ERAP1: variants seen among roughly 807,000 people sequenced by gnomAD.
ERAP1 encodes adipocyte-derived leucine aminopeptidase.
In ERAP1, 86 loss-of-function variants were observed where a neutral mutation model predicts 103.7. The ratio of observed to expected loss-of-function variants is 0.83; its 90% confidence interval spans 0.70 to 0.99. The LOEUF is 0.99. Ranked by LOEUF, ERAP1 falls within the 50% of genes least tolerant of loss-of-function variation. ERAP1 has a pLI of 0.00. For missense variants in ERAP1, 1,009 were observed against 1,128.4 expected (o/e 0.89, Z 1.52); for synonymous variants, 398 against 402.4 (o/e 0.99, Z 0.13).
the ERAP1 span, among the ~76,000 whole-genome samples, chr5:96,860,643 G>A: frequency 6.6e-6 from 1 of 152,248 alleles, no homozygotes; most frequent in South Asian, 2.1e-4. Flanking sequence ...GTGTAAGGGG[G>A]TCTAGGAAGG....
At chr5:96,891,533 TATACACAC>T in the ERAP1 span, among the ~76,000 whole-genome samples, 3 of 85,904 alleles carry the variant, frequency 3.5e-5, no homozygotes, top group South Asian at 4.1e-4. Flanking sequence ...ATACGGTATA[TATACACAC>T]ACACACACAC....
intron 19 of ERAP1, among the ~76,000 whole-genome samples, chr5:96,766,725 CCT>C (rs1248236128): frequency 6.6e-6 from 1 of 152,208 alleles, no homozygotes; most frequent in Non-Finnish European, 1.5e-5. Context: ...CTGTCCCCCA[CCT>C]CTTTCCTATT....
chr5:96,900,365 A>C, the ERAP1 span: 1 of 954,594 alleles, frequency 1.0e-6, no homozygotes, highest in Non-Finnish European at 1.4e-6. Flanking sequence ...TTAGGGGGAC[A>C]ATGCTGTTGC....
At chr5:96,841,885 G>A in the ERAP1 span, among the ~76,000 whole-genome samples, 1,204 of 151,306 alleles carry the variant, frequency 8.0e-3, 18 homozygotes, top group African/African-American at 0.027. Flanking sequence ...TGGTGCACCC[G>A]TCACCGAGCA....
intron 8 of ERAP1, among the ~76,000 whole-genome samples, chr5:96,791,659 G>A (rs1776744585): frequency 6.6e-6 from 1 of 152,150 alleles, no homozygotes; most frequent in Non-Finnish European, 1.5e-5. Context: ...TCCCAACTCT[G>A]TTACTAAGCA....
At chr5:96,823,834 C>T in the ERAP1 span, among the ~76,000 whole-genome samples, 3 of 152,216 alleles carry the variant, frequency 2.0e-5, no homozygotes, top group African/African-American at 4.8e-5. Flanking sequence ...AAAAGAAGTA[C>T]TTTACTGCTT....
chr5:96,837,591 G>T, the ERAP1 span, among the ~76,000 whole-genome samples: 1 of 152,178 alleles, frequency 6.6e-6, no homozygotes, highest in African/African-American at 2.4e-5. Context: ...CTCTGTAGGT[G>T]CCATGGCAGC....
At chr5:96,849,558 G>A in the ERAP1 span, among the ~76,000 whole-genome samples, 1 of 152,186 alleles carries the variant, frequency 6.6e-6, no homozygotes, top group Non-Finnish European at 1.5e-5. Context: ...CCAAGGAAGT[G>A]AAAGATCTGC....
the ERAP1 span, among the ~76,000 whole-genome samples, chr5:96,867,132 G>A: frequency 2.0e-5 from 3 of 151,310 alleles, no homozygotes; most frequent in Non-Finnish European, 2.9e-5. Flanking sequence ...TCAGCCTCCC[G>A]AGTAGCTGAG....
intron 18 of ERAP1, chr5:96,779,203 A>G (rs1774803750): frequency 6.6e-6 from 1 of 152,216 alleles, no homozygotes; most frequent in East Asian, 1.9e-4. Context: ...CGTGACAGCA[A>G]AGGTTTTGTC....
chr5:96,868,259 T>TA, the ERAP1 span, among the ~76,000 whole-genome samples: 1 of 152,124 alleles, frequency 6.6e-6, no homozygotes. Flanking sequence ...TGAAGGCAGT[T>TA]ACAAAAATCT....
the ERAP1 span, among the ~76,000 whole-genome samples, chr5:96,878,141 A>T: frequency 2.0e-5 from 3 of 152,204 alleles, no homozygotes; most frequent in African/African-American, 7.2e-5. Context: ...AAAAAGAAAG[A>T]AACTTAGTTC....
At chr5:96,918,906 C>T in the ERAP1 span, 4 of 152,124 alleles carry the variant, frequency 2.6e-5, no homozygotes, top group Admixed American at 6.6e-5. Flanking sequence ...CTTTTAAGGG[C>T]GCTTCTTGCT....
At chr5:96,832,792 T>A in the ERAP1 span, among the ~76,000 whole-genome samples, 2 of 152,226 alleles carry the variant, frequency 1.3e-5, no homozygotes, top group Non-Finnish European at 1.5e-5. Flanking sequence ...TCTTCCACAC[T>A]GCTTGAATTG....
chr5:96,901,575 C>A, the ERAP1 span: 3 of 1,614,078 alleles, frequency 1.9e-6, no homozygotes. Flanking sequence ...GAAAGGAATC[C>A]CCCTGCTGGT....
At chr5:96,800,317 G>A (rs1777840645) in intron 3 of ERAP1, among the ~76,000 whole-genome samples, 1 of 152,110 alleles carries the variant, frequency 6.6e-6, no homozygotes, top group African/African-American at 2.4e-5. Context: ...GTTTCCCTCT[G>A]GAAGCTAAGC....
chr5:96,808,508 G>A (rs1047721849), upstream of ERAP1, among the ~76,000 whole-genome samples: 16 of 151,926 alleles, frequency 1.1e-4, no homozygotes, highest in Non-Finnish European at 2.9e-5. Context: ...ACTCTGTCGT[G>A]GCAAAGTGCC....
In ERAP1 at chr5:96,780,452, G is replaced by T; in HGVS notation, c.2641C>A (p.Gln881Lys). Residue 881 changes from glutamine to lysine, a missense_variant, in exon 18 of 19, where the codon CAA (glutamine) becomes AAA (lysine). By Grantham distance (53) the Gln-to-Lys change is moderately conservative (BLOSUM62 1). Transcript: ENST00000443439. Reference sequence around the variant, plus strand: ...TCAAGCCGTGTTCTTGTGGAGAATTGATTTGTTGTACCCATTACCATGTGG... The same window carrying T: ...TCAAGCCGTGTTCTTGTGGAGAATTTATTTGTTGTACCCATTACCATGTGG... Reference protein sequence around the residue: ...IAHMVMGTTNQFSTRTRLEEV... With the variant: ...IAHMVMGTTNKFSTRTRLEEV... The T allele has an allele frequency of 6.2e-7, 1 of 1,610,450 alleles. No individual in the cohort carries two copies. The highest frequency in any genetic ancestry group is 8.5e-7 in the Non-Finnish European group (1 of 1,178,464).
At chr5:96,856,429 T>A in the ERAP1 span, among the ~76,000 whole-genome samples, 4 of 135,310 alleles carry the variant, frequency 3.0e-5, no homozygotes, top group Non-Finnish European at 6.2e-5. Context: ...AAGGAACAAA[T>A]TATTTGCATT....
Sources: allele counts gnomAD v4.1 joint callset (sites outside exome capture counted in the v4.1 genomes callset), GRCh38; gene constraint gnomAD v4.1.1; transcripts MANE v1.5; gene names NCBI Gene and HGNC (gene_info 2026-07-23, HGNC 2026-07-21).